EVI5L: variants seen among roughly 807,000 people sequenced by gnomAD.
EVI5L encodes ecotropic viral integration site 5 like, also known as EVI5-like protein.
A neutral mutation model predicts 106.1 loss-of-function variants in EVI5L; 30 were observed. The observed-to-expected ratio is 0.28, with a 90% confidence interval of 0.21 to 0.38. The LOEUF (loss-of-function observed/expected upper bound fraction) is 0.38, where lower values mean the gene tolerates loss of function less well. Among genes scored for constraint, EVI5L ranks in the 10% least tolerant of loss-of-function variants. The probability of loss-of-function intolerance (pLI) is 1.00; values close to 1 mark genes in which losing one functional copy is unlikely to be tolerated. For missense variants in EVI5L, 809 were observed against 1,098.0 expected (o/e 0.74, Z 3.72); for synonymous variants, 489 against 483.3 (o/e 1.01, Z -0.15).
chr19:7,862,332 C>T (rs1979847303), intron 16 of EVI5L, 55 bp downstream of exon 16: 1 of 1,583,528 alleles, frequency 6.3e-7, no homozygotes, highest in Non-Finnish European at 8.6e-7. Flanking sequence ...GTGGCCAGCC[C>T]CTGAGTTAGG....
chr19:7,844,331 C>CA (rs71179149), intron 1 of EVI5L, among the ~76,000 whole-genome samples: 195 of 132,408 alleles, frequency 1.5e-3, no homozygotes, highest in East Asian at 3.7e-3. Context: ...GACTCCGTCT[C>CA]AAAAAAAAAA....
chr19:7,849,101 G>A lies in EVI5L; in HGVS notation c.508G>A (p.Gly170Ser), dbSNP rs1446982235. 2 of 1,610,000 alleles carry A rather than the reference G, an allele frequency of 1.2e-6. No homozygotes were observed. Residue 170 changes from glycine to serine, a missense_variant, in exon 4 of 20, where the codon GGC (glycine) becomes AGC (serine). Around this residue, in one of 2 missense-constraint regions of EVI5L, gnomAD observed 357 missense variants for 588.1 expected, o/e 0.61. Coordinates refer to ENST00000538904, the MANE Select transcript of EVI5L (RefSeq NM_001159944.3). ...CTACCCGGAACATGAGTTCTTCAAG[G>A]GCCAGGACAGCCTGGGCCAGGAGGT... ...RTYPEHEFFK[G>S]QDSLGQEVLF...
intron 1 of EVI5L, among the ~76,000 whole-genome samples, chr19:7,841,375 G>T (rs1486208040): frequency 6.6e-6 from 1 of 152,146 alleles, no homozygotes. Context: ...GGCCAGAGAG[G>T]CAGGAAGGAA....
At chr19:7,859,531 G>A (rs1979697765) in intron 13 of EVI5L, among the ~76,000 whole-genome samples, 1 of 152,264 alleles carries the variant, frequency 6.6e-6, no homozygotes, top group Non-Finnish European at 1.5e-5. Flanking sequence ...GAGCTTCACT[G>A]TTTCTCACTT....
Position 7,857,506 on chromosome 19 carries a change from G to GCA in EVI5L, c.1233+390_1233+391dup. 1 of 355,010 alleles carries GCA rather than the reference G, an allele frequency of 2.8e-6. No homozygotes were observed. The highest frequency in any genetic ancestry group is 5.3e-6 in the Non-Finnish European group (1 of 189,434). The allele number at this position is 355,010 out of a possible 1,614,324, so 22.0% of individuals were successfully genotyped here. On this transcript the variant is annotated intron_variant, in intron 12 of 19. Transcript: ENST00000538904. This position sits in a 1 kb window ranked among gnomAD's most constrained non-coding sequence, Gnocchi z 4.5. Reference sequence around the variant, plus strand: ...ACACAACACATGCACACACACACACGCACACACACGCCCGGCCCTCACGCT... The same window carrying GCA: ...ACACAACACATGCACACACACACACGCACACACACACGCCCGGCCCTCACGCT...
intron 1 of EVI5L, among the ~76,000 whole-genome samples, chr19:7,843,404 A>ATAGGT (rs1568235259): frequency 3.7e-5 from 1 of 27,238 alleles, no homozygotes; most frequent in African/African-American, 1.2e-4. Context: ...TAGGTGTGTG[A>ATAGGT]GTGTGAGAAT....
chr19:7,837,994 T>C (rs1006700584), intron 1 of EVI5L, among the ~76,000 whole-genome samples: 5 of 151,870 alleles, frequency 3.3e-5, no homozygotes, highest in African/African-American at 1.2e-4. Context: ...TGAGCCCCCA[T>C]GCCCGGCCAA....
rs888022834 is a variant in EVI5L at position 7,863,945 on chromosome 19, C to G, written c.*243C>G. ...CCATCTTGGTCTGTACCCCTCCGGGCCCTCTGGCGTTCCAGGGGTGCCTGG... is the reference window on the plus strand; with the variant it reads ...CCATCTTGGTCTGTACCCCTCCGGGGCCTCTGGCGTTCCAGGGGTGCCTGG... On this transcript the variant is annotated 3_prime_UTR_variant, in exon 20 of 20. Coordinates refer to ENST00000538904, the MANE Select transcript of EVI5L (RefSeq NM_001159944.3). The surrounding 1 kb of genome is among the most constrained non-coding windows in gnomAD (Gnocchi z 7.7). The G allele has an allele frequency of 2.0e-5, 10 of 492,328 alleles. No homozygotes were observed. The highest frequency in any genetic ancestry group is 2.0e-4 in the African/African-American group (10 of 49,264). 30.5% of individuals were successfully genotyped at this position (492,328 alleles called of 1,614,324 possible). A position where few individuals can be genotyped will look rare whatever the true frequency, so the allele number is the denominator to read the frequency against.
chr19:7,841,598 G>A (rs1051990693), intron 1 of EVI5L, among the ~76,000 whole-genome samples: 9 of 152,182 alleles, frequency 5.9e-5, no homozygotes, highest in African/African-American at 1.4e-4. Context: ...GTGGCCCTGT[G>A]GAGGTGTGGC....
chr19:7,848,803 T>C lies in EVI5L; in HGVS notation c.328-118T>C. On this transcript the variant is annotated intron_variant, in intron 3 of 19. Coordinates refer to ENST00000538904, the MANE Select transcript of EVI5L (RefSeq NM_001159944.3). The surrounding 1 kb of genome is among the most constrained non-coding windows in gnomAD (Gnocchi z 4.8). ...GGGGTAAAAAAAGGATTGGGGACCA[T>C]GAGTTCTGTGCCATGCTTGAGGCCT... 5.6e-6 allele frequency: 5 copies of C among 891,402 alleles called. No individual in the cohort carries two copies. The highest frequency in any genetic ancestry group is 5.3e-5 in the East Asian group (2 of 37,804). The allele number at this position is 891,402 out of a possible 1,614,324, so 55.2% of individuals were successfully genotyped here. A position where few individuals can be genotyped will look rare whatever the true frequency, so the allele number is the denominator to read the frequency against.
intron 1 of EVI5L, among the ~76,000 whole-genome samples, chr19:7,843,049 G>C (rs1030733796): frequency 6.9e-6 from 1 of 145,470 alleles, no homozygotes; most frequent in Non-Finnish European, 1.5e-5. Flanking sequence ...AATAGGCATG[G>C]CTGTGTGTCG....
chr19:7,851,529 C>A lies in EVI5L; in HGVS notation c.849C>A (p.Thr283=), dbSNP rs1979251525. 4.3e-6 allele frequency: 7 copies of A among 1,613,238 alleles called. No homozygotes were observed. Among genetic ancestry groups the A allele is most frequent in the Non-Finnish European group, 5.9e-6 (7 of 1,179,634 alleles). Residue 283 remains threonine (T), a synonymous_variant, in exon 7 of 20, where the codon ACC becomes ACA. Transcript: ENST00000538904. The part of the protein sequence containing the change: ...SSWFLTLFLT[T]FPLPVATRVF... ...GGTTCCTCACACTGTTCCTGACCAC[C>A]TTCCCACTCCCCGTCGCCACCCGGG...
At position 7,853,325 on chromosome 19, in the gene EVI5L, G is replaced by T; in HGVS notation, c.1138G>T (p.Glu380Ter). The T allele has an allele frequency of 6.2e-7, 1 of 1,611,292 alleles. No homozygotes were observed. The highest frequency in any genetic ancestry group is 8.5e-7 in the Non-Finnish European group (1 of 1,178,982). Residue 380 changes from glutamate to a stop codon, truncating the protein, a stop_gained, in exon 10 of 20, where the codon GAG becomes TAG. Transcript: ENST00000538904. LOFTEE classifies it high-confidence loss of function. ...GAGCAAGGAGATGGAGGAGCAGATC[G>T]AGATCAAAGTGAGTCCAGGGGCCCA... The part of the protein sequence containing the change: ...MKSKEMEEQI[E>*]IKRLRTENRL...
chr19:7,844,793 C>T (rs1251194650), intron 1 of EVI5L, among the ~76,000 whole-genome samples: 1 of 152,216 alleles, frequency 6.6e-6, no homozygotes, highest in African/African-American at 2.4e-5. Context: ...CGCTTGAGGG[C>T]CCAAGGTAGA....
At chr19:7,831,252 C>G (rs1261078527) in intron 1 of EVI5L, among the ~76,000 whole-genome samples, 2 of 151,328 alleles carry the variant, frequency 1.3e-5, no homozygotes, top group African/African-American at 2.4e-5. Context: ...CACACACACA[C>G]ACACACACAC....
chr19:7,851,347 C>T (rs1467949859), intron 6 of EVI5L, 87 bp from the exon 7 acceptor site: 1 of 1,494,064 alleles, frequency 6.7e-7, no homozygotes, highest in Non-Finnish European at 9.1e-7. Flanking sequence ...CAGGAAGGCT[C>T]CCTGGAGGCG....
At position 7,853,028 on chromosome 19, in the gene EVI5L, GC is replaced by G. The variant is rs1013595736; in HGVS notation, c.988-53del. On this transcript the variant is annotated intron_variant, in intron 8 of 19. Coordinates refer to ENST00000538904, the MANE Select transcript of EVI5L (RefSeq NM_001159944.3). ...CCTCCAGGGCAACAGGGCTCGGGCG[GC>G]CCCCGGTGGTCAGGGCCTGCATGTT... The G allele has an allele frequency of 4.4e-6, 7 of 1,590,862 alleles. No individual in the cohort carries two copies. The African/African-American group carries it at 8.1e-5, about 18-fold the overall frequency.
intron 17 of EVI5L, 39 bp from the exon 18 acceptor site, chr19:7,862,933 C>CA: frequency 7.2e-7 from 1 of 1,394,322 alleles, no homozygotes; most frequent in Non-Finnish European, 9.7e-7. Context: ...GCCGCGCCCC[C>CA]TGACCCGCCC....
chr19:7,853,446 C>T lies in EVI5L; in HGVS notation c.1146+113C>T, dbSNP rs1375442746. ...GGGCCTTCCCAGCGCACAGGCGGAC[C>T]CGGCGGTCCTTGGCGGACAGGCCTC... On this transcript the variant is annotated intron_variant, in intron 10 of 19. Transcript: ENST00000538904. 2.1e-6 allele frequency: 3 copies of T among 1,430,138 alleles called. No homozygotes were observed. The East Asian group carries it at 7.4e-5, about 35-fold the overall frequency. 88.6% of individuals were successfully genotyped at this position (1,430,138 alleles called of 1,614,324 possible).
Sources: gnomAD v4.1 joint callset for allele counts (sites outside exome capture counted in the v4.1 genomes callset) on GRCh38, gnomAD v4.1.1 for gene constraint, gnomAD v4.1.1 regional missense constraint, Gnocchi (gnomAD v3.1) non-coding constraint, MANE v1.5 for transcripts, NCBI Gene and HGNC (gene_info 2026-07-23, HGNC 2026-07-21) for gene names.